Variants in MMP16 observed in about 807,000 individuals in gnomAD.
MMP16 encodes matrix metallopeptidase 16.
In MMP16, 12 loss-of-function variants were observed where a neutral mutation model predicts 67.8. The observed-to-expected ratio is 0.18, with a 90% confidence interval of 0.11 to 0.29. The LOEUF (loss-of-function observed/expected upper bound fraction) is 0.29, where lower values mean the gene tolerates loss of function less well. Among genes scored for constraint, MMP16 ranks in the 10% least tolerant of loss-of-function variants. The probability of loss-of-function intolerance (pLI) is 1.00; values close to 1 mark genes in which losing one functional copy is unlikely to be tolerated. For synonymous variants in MMP16, 249 were observed against 255.9 expected (o/e 0.97, Z 0.26); for missense variants, 475 against 765.7 (o/e 0.62, Z 4.48).
At position 88,038,185 on chromosome 8, in the gene MMP16, A is replaced by C. The variant is rs555538161; in HGVS notation, c.*3276T>G. 2.6e-5 allele frequency: 4 copies of C among 152,174 alleles called. No homozygotes were observed. In the East Asian group the frequency reaches 5.8e-4, roughly 22 times the overall value. The allele number at this position is 152,174 out of a possible 1,614,324, so 9.4% of individuals were successfully genotyped here. A position where few individuals can be genotyped will look rare whatever the true frequency, so the allele number is the denominator to read the frequency against. On this transcript the variant is annotated 3_prime_UTR_variant, in exon 10 of 10. Transcript: ENST00000286614. This position sits in a 1 kb window ranked among gnomAD's most constrained non-coding sequence, Gnocchi z 4.1. ...ACAAAGTAGCTGGTGTACAATAAAC[A>C]AATGGAATCCCACTGTTTGTGATTA... is the stretch of plus-strand genomic sequence containing the variant.
At chr8:88,267,236 G>T (rs919869154) in intron 1 of MMP16, among the ~76,000 whole-genome samples, 4 of 152,124 alleles carry the variant, frequency 2.6e-5, no homozygotes, top group African/African-American at 9.7e-5. Context: ...AAATTCTGTG[G>T]TCATCCATTG....
intron 6 of MMP16, among the ~76,000 whole-genome samples, chr8:88,075,575 C>T (rs1301386967): frequency 6.6e-6 from 1 of 152,022 alleles, no homozygotes; most frequent in Non-Finnish European, 1.5e-5. Context: ...AAAAAGGATA[C>T]ATCTGATGAC....
chr8:88,133,566 G>A (rs1221150272), intron 4 of MMP16, among the ~76,000 whole-genome samples: 1 of 151,722 alleles, frequency 6.6e-6, no homozygotes, highest in East Asian at 1.9e-4. Context: ...TTCCTTACAT[G>A]CTATAATGAG....
At chr8:88,182,044 C>T (rs1308959549) in intron 3 of MMP16, among the ~76,000 whole-genome samples, 1 of 152,052 alleles carries the variant, frequency 6.6e-6, no homozygotes, top group African/African-American at 2.4e-5. Flanking sequence ...CATAAAACTA[C>T]TAAACATCTA....
intron 6 of MMP16, among the ~76,000 whole-genome samples, chr8:88,089,442 AAGAGGAT>A (rs962584966): frequency 6.6e-6 from 1 of 151,934 alleles, no homozygotes; most frequent in Non-Finnish European, 1.5e-5. Context: ...TGCATGCTCC[AAGAGGAT>A]AGAGTGGTAA....
intron 4 of MMP16, among the ~76,000 whole-genome samples, chr8:88,164,059 T>C (rs370393099): frequency 6.6e-6 from 1 of 152,074 alleles, no homozygotes. Context: ...TAGATAACAA[T>C]GAAGTAAGGG....
At chr8:88,313,206 C>G (rs144373935) in intron 1 of MMP16, among the ~76,000 whole-genome samples, 1,877 of 152,278 alleles carry the variant, frequency 0.012, 72 homozygotes, top group Admixed American at 0.079. Context: ...TCTGTGCTGT[C>G]TCCAGTTTTT....
At chr8:88,156,748 G>A (rs1434343416) in intron 4 of MMP16, among the ~76,000 whole-genome samples, 1 of 151,746 alleles carries the variant, frequency 6.6e-6, no homozygotes, top group Non-Finnish European at 1.5e-5. Context: ...TGAAATAAAG[G>A]GATGAAATTT....
At chr8:88,062,740 G>A (rs1000231159) in intron 7 of MMP16, among the ~76,000 whole-genome samples, 9 of 151,946 alleles carry the variant, frequency 5.9e-5, no homozygotes, top group African/African-American at 2.2e-4. Flanking sequence ...ACACCAACAT[G>A]GCACAAGTAT....
chr8:88,186,607 A>C lies in MMP16; in HGVS notation c.282-9T>G. 1.0e-6 allele frequency: 1 copy of C among 991,840 alleles called. No homozygotes were observed. Among genetic ancestry groups the C allele is most frequent in the Non-Finnish European group, 1.4e-6 (1 of 693,826 alleles). 61.4% of individuals were successfully genotyped at this position (991,840 alleles called of 1,614,324 possible). A position where few individuals can be genotyped will look rare whatever the true frequency, so the allele number is the denominator to read the frequency against. On this transcript the variant is annotated splice_polypyrimidine_tract_variant and intron_variant, in intron 2 of 9. Coordinates refer to ENST00000286614, the MANE Select transcript of MMP16 (RefSeq NM_005941.5). ...GGGGCTTCTTCATCCAGCTGCAAAA[A>C]AAAAAAAAAAAAAAAAAAAGCAGTA... is the stretch of plus-strand genomic sequence containing the variant.
At chr8:88,302,893 C>T (rs953172269) in intron 1 of MMP16, among the ~76,000 whole-genome samples, 1 of 152,194 alleles carries the variant, frequency 6.6e-6, no homozygotes, top group African/African-American at 2.4e-5. Flanking sequence ...GGGCAACAGC[C>T]TAGCCAGGAG....
At chr8:88,309,384 A>G (rs1402915010) in intron 1 of MMP16, among the ~76,000 whole-genome samples, 2 of 151,632 alleles carry the variant, frequency 1.3e-5, no homozygotes, top group Admixed American at 1.3e-4. Context: ...TATATAATGC[A>G]TTTTTATGGG....
At chr8:88,320,022 T>C (rs1456633029) in intron 1 of MMP16, among the ~76,000 whole-genome samples, 1 of 152,220 alleles carries the variant, frequency 6.6e-6, no homozygotes, top group Non-Finnish European at 1.5e-5. Context: ...AATGCTGGCA[T>C]GCCCTAATGC....
At chr8:88,103,891 G>T (rs567312003) in intron 6 of MMP16, among the ~76,000 whole-genome samples, 2 of 151,874 alleles carry the variant, frequency 1.3e-5, no homozygotes, top group East Asian at 3.9e-4. Flanking sequence ...ATTTCCACTT[G>T]AGATTAATGC....
At chr8:88,236,926 T>C (rs1328050852) in intron 1 of MMP16, among the ~76,000 whole-genome samples, 1 of 152,140 alleles carries the variant, frequency 6.6e-6, no homozygotes, top group African/African-American at 2.4e-5. Flanking sequence ...AAATTAGTAT[T>C]AGTAGTAATA....
At chr8:88,107,777 A>G (rs1400403151) in intron 6 of MMP16, among the ~76,000 whole-genome samples, 1 of 151,094 alleles carries the variant, frequency 6.6e-6, no homozygotes, top group Non-Finnish European at 1.5e-5. Context: ...GGTATTAATT[A>G]GGAGAAATTC....
intron 1 of MMP16, among the ~76,000 whole-genome samples, chr8:88,198,103 T>C (rs1463633462): frequency 6.6e-6 from 1 of 152,160 alleles, no homozygotes; most frequent in Non-Finnish European, 1.5e-5. Context: ...CTAATTGTGA[T>C]TGGAGCAAAA....
chr8:88,162,204 T>C (rs780655163), intron 4 of MMP16, among the ~76,000 whole-genome samples: 1 of 151,986 alleles, frequency 6.6e-6, no homozygotes, highest in African/African-American at 2.4e-5. Context: ...AAGTAGAGAC[T>C]GCGCAGTAAT....
intron 4 of MMP16, among the ~76,000 whole-genome samples, chr8:88,123,726 G>A (rs904271171): frequency 6.6e-6 from 1 of 151,836 alleles, no homozygotes; most frequent in African/African-American, 2.4e-5. Flanking sequence ...GGCAGAGTTG[G>A]TATTTACATC....
Sources: allele counts gnomAD v4.1 joint callset (sites outside exome capture counted in the v4.1 genomes callset), GRCh38; gene constraint gnomAD v4.1.1; non-coding constraint Gnocchi (gnomAD v3.1); transcripts MANE v1.5; gene names NCBI Gene and HGNC (gene_info 2026-07-23, HGNC 2026-07-21).